Variants in MAP7 observed in about 807,000 individuals in gnomAD.
The protein encoded by MAP7 is ensconsin.
In MAP7, 52 loss-of-function variants were observed where a neutral mutation model predicts 94.8. The ratio of observed to expected loss-of-function variants is 0.55; its 90% confidence interval spans 0.44 to 0.69. The LOEUF (loss-of-function observed/expected upper bound fraction) is 0.69, where lower values mean the gene tolerates loss of function less well. Ranked by LOEUF, MAP7 falls within the 30% of genes least tolerant of loss-of-function variation. The pLI, the probability that MAP7 is intolerant of heterozygous loss-of-function variation, is 0.00. For synonymous variants in MAP7, 350 were observed against 357.0 expected (o/e 0.98, Z 0.22); for missense variants, 940 against 964.6 (o/e 0.97, Z 0.34).
intron 1 of MAP7, among the ~76,000 whole-genome samples, chr6:136,521,630 T>C (rs1450400247): frequency 6.6e-6 from 1 of 152,194 alleles, no homozygotes; most frequent in Non-Finnish European, 1.5e-5. Context: ...GTAAAATGTA[T>C]TGTGTAATAG....
intron 1 of MAP7, among the ~76,000 whole-genome samples, chr6:136,454,271 T>TGATCGATC (rs1445925575): frequency 4.6e-4 from 50 of 109,026 alleles, no homozygotes; most frequent in African/African-American, 1.8e-3. Context: ...CCTACCTAAA[T>TGATCGATC]GATCTATCTA....
At chr6:136,445,578 T>C (rs1393279704) in intron 1 of MAP7, among the ~76,000 whole-genome samples, 1 of 152,216 alleles carries the variant, frequency 6.6e-6, no homozygotes, top group Admixed American at 6.5e-5. Context: ...ATTTGATTCC[T>C]AGAACCAGCC....
At chr6:136,399,510 G>A (rs181269785) in intron 3 of MAP7, among the ~76,000 whole-genome samples, 1,483 of 146,172 alleles carry the variant, frequency 0.01, 9 homozygotes, top group Middle Eastern at 0.028. Context: ...TGTCTGGCTC[G>A]TTTTTTTTTT....
At chr6:136,544,934 C>T (rs1371717052) in intron 1 of MAP7, among the ~76,000 whole-genome samples, 1 of 152,188 alleles carries the variant, frequency 6.6e-6, no homozygotes, top group Non-Finnish European at 1.5e-5. Flanking sequence ...CCCCCCATCT[C>T]TTTGGGGTAA....
chr6:136,506,970 T>G (rs1017815370), intron 1 of MAP7, among the ~76,000 whole-genome samples: 21 of 152,320 alleles, frequency 1.4e-4, no homozygotes, highest in African/African-American at 4.1e-4. Flanking sequence ...TCACTTCCAA[T>G]TCCTGTAAAT....
intron 1 of MAP7, among the ~76,000 whole-genome samples, chr6:136,503,075 C>T (rs953171879): frequency 3.3e-5 from 5 of 152,162 alleles, no homozygotes; most frequent in African/African-American, 7.2e-5. Flanking sequence ...TTATACTTTA[C>T]AAATGCTAAT....
chr6:136,357,572 A>G (rs1791389446), intron 15 of MAP7, among the ~76,000 whole-genome samples: 1 of 151,940 alleles, frequency 6.6e-6, no homozygotes, highest in Admixed American at 6.6e-5. Flanking sequence ...ACGGCTCACT[A>G]CAGCCTCGAC....
chr6:136,501,846 C>G (rs1442962588), intron 1 of MAP7, among the ~76,000 whole-genome samples: 3 of 152,170 alleles, frequency 2.0e-5, no homozygotes, highest in Non-Finnish European at 4.4e-5. Flanking sequence ...TTCTCCTCTA[C>G]TCACTGGAAC....
At chr6:136,357,595 G>A (rs1791395264) in intron 15 of MAP7, among the ~76,000 whole-genome samples, 1 of 152,018 alleles carries the variant, frequency 6.6e-6, no homozygotes, top group African/African-American at 2.4e-5. Flanking sequence ...CCTGGGCTTA[G>A]GCAATCCTCC....
chr6:136,453,719 T>C (rs1801879119), intron 1 of MAP7, among the ~76,000 whole-genome samples: 1 of 152,276 alleles, frequency 6.6e-6, no homozygotes, highest in Non-Finnish European at 1.5e-5. Context: ...CTCTTCCTTA[T>C]GTTGATATGG....
In MAP7 at chr6:136,389,337, C is replaced by T. The variant is rs200692047; in HGVS notation, c.408+17G>A. 6 of 1,520,492 alleles carry T rather than the reference C, an allele frequency of 3.9e-6. No individual in the cohort carries two copies. Among genetic ancestry groups the T allele is most frequent in the Admixed American group, 2.3e-5 (1 of 43,330 alleles). The allele number at this position is 1,520,492 out of a possible 1,614,324, so 94.2% of individuals were successfully genotyped here. A position where few individuals can be genotyped will look rare whatever the true frequency, so the allele number is the denominator to read the frequency against. ...AACTAGAGGAGCCACTCATATTCTT[C>T]CCGGGGGGCGGCTCACTTTGTCCTC... On this transcript the variant is annotated intron_variant, in intron 4 of 17. Coordinates refer to ENST00000354570, the MANE Select transcript of MAP7 (RefSeq NM_003980.6).
chr6:136,355,290 A>T (rs1379229167), intron 16 of MAP7, among the ~76,000 whole-genome samples: 1 of 151,988 alleles, frequency 6.6e-6, no homozygotes, highest in East Asian at 1.9e-4. Flanking sequence ...TCTGAAGTCA[A>T]TGAATTGAAC....
chr6:136,375,098 A>G (rs1775707255), intron 7 of MAP7, among the ~76,000 whole-genome samples: 1 of 152,208 alleles, frequency 6.6e-6, no homozygotes, highest in Admixed American at 6.5e-5. Flanking sequence ...ATACGAAATA[A>G]TGGGTGCAGA....
At chr6:136,532,593 T>C (rs766532994) in intron 1 of MAP7, among the ~76,000 whole-genome samples, 2 of 151,868 alleles carry the variant, frequency 1.3e-5, no homozygotes, top group African/African-American at 4.9e-5. Context: ...GGAATGATGA[T>C]GTTGGATTAA....
At chr6:136,440,779 G>A (rs1370786434) in intron 1 of MAP7, among the ~76,000 whole-genome samples, 39 of 151,038 alleles carry the variant, frequency 2.6e-4, no homozygotes, top group Non-Finnish European at 5.9e-5. Flanking sequence ...GGAGAGCCCA[G>A]TATTAGGATG....
intron 8 of MAP7, among the ~76,000 whole-genome samples, 186 bp downstream of exon 8, chr6:136,372,315 A>G (rs530199916): frequency 6.6e-6 from 1 of 152,316 alleles, no homozygotes; most frequent in East Asian, 1.9e-4. Context: ...AAAATCCCCA[A>G]GTGAAGAGGA....
Position 136,475,385 on chromosome 6 carries a change from G to A in MAP7, c.68-53586C>T, listed in dbSNP as rs548920487. Among the ~76,000 whole-genome samples the A allele has an allele frequency of 2.0e-4, 30 of 152,230 alleles. No homozygotes were observed. The East Asian group carries it at 5.6e-3, about 28-fold the overall frequency. On this transcript the variant is annotated intron_variant, in intron 1 of 17. Coordinates refer to ENST00000354570, the MANE Select transcript of MAP7 (RefSeq NM_003980.6). ...ATAAATTATATAATTGAACATACAG[G>A]AGAATTAGCATTTTTGGAGAATATA...
At chr6:136,349,278 A>G (rs1446529474) in intron 16 of MAP7, among the ~76,000 whole-genome samples, 2 of 152,214 alleles carry the variant, frequency 1.3e-5, no homozygotes, top group African/African-American at 4.8e-5. Flanking sequence ...TCATAAAGAT[A>G]TATTTCAAGT....
chr6:136,366,861 CCAAACA>C (rs1352465147), intron 8 of MAP7, among the ~76,000 whole-genome samples: 3 of 152,034 alleles, frequency 2.0e-5, no homozygotes, highest in Non-Finnish European at 2.9e-5. Flanking sequence ...CATTTTCCCC[CCAAACA>C]CACTATATCT....
Sources: gnomAD v4.1 joint callset for allele counts (sites outside exome capture counted in the v4.1 genomes callset) on GRCh38, gnomAD v4.1.1 for gene constraint, MANE v1.5 for transcripts, NCBI Gene and HGNC (gene_info 2026-07-23, HGNC 2026-07-21) for gene names.